The following SUPT3H variants were observed in gnomAD, a reference collection of about 807,000 sequenced individuals.
The protein encoded by SUPT3H is SPT3 homolog, SAGA and STAGA complex component, also known as transcription initiation protein SPT3 homolog.
A neutral mutation model predicts 44.3 loss-of-function variants in SUPT3H; 44 were observed. That is an observed-to-expected ratio of 0.99 (90% CI 0.78 to 1.28). The LOEUF is 1.28. SUPT3H is among the 50% of genes most tolerant of loss of function. The probability of loss-of-function intolerance (pLI) is 0.00; values close to 1 mark genes in which losing one functional copy is unlikely to be tolerated. For synonymous variants in SUPT3H, 124 were observed against 125.6 expected (o/e 0.99, Z 0.09); for missense variants, 380 against 387.1 (o/e 0.98, Z 0.15).
intron 6 of SUPT3H, among the ~76,000 whole-genome samples, chr6:44,993,078 G>A (rs527268555): frequency 3.2e-4 from 49 of 152,212 alleles, no homozygotes; most frequent in Non-Finnish European, 6.6e-4. Context: ...CTAGAGGATC[G>A]ATCAAGCCTG....
intron 2 of SUPT3H, among the ~76,000 whole-genome samples, chr6:45,281,444 A>G (rs895960405): frequency 2.6e-5 from 4 of 152,200 alleles, no homozygotes; most frequent in African/African-American, 7.2e-5. Context: ...AGGAGATTAT[A>G]TCCCGTGCCT....
intron 2 of SUPT3H, among the ~76,000 whole-genome samples, chr6:45,355,398 T>C (rs1792963534): frequency 6.6e-6 from 1 of 151,096 alleles, no homozygotes; most frequent in Admixed American, 6.7e-5. Context: ...CTTCATTTAT[T>C]ATAGAATAAA....
chr6:45,237,341 G>A (rs968100283), intron 2 of SUPT3H, among the ~76,000 whole-genome samples: 5 of 152,172 alleles, frequency 3.3e-5, no homozygotes, highest in African/African-American at 1.2e-4. Context: ...GCATATCAAA[G>A]TAGTTACATT....
At chr6:45,125,219 G>A (rs1374050577) in intron 2 of SUPT3H, among the ~76,000 whole-genome samples, 5 of 152,098 alleles carry the variant, frequency 3.3e-5, no homozygotes, top group Non-Finnish European at 5.9e-5. Context: ...CGTATTAGGC[G>A]TGTTTTTCAC....
At chr6:45,152,236 C>T (rs1807069715) in intron 2 of SUPT3H, among the ~76,000 whole-genome samples, 1 of 152,148 alleles carries the variant, frequency 6.6e-6, no homozygotes, top group African/African-American at 2.4e-5. Flanking sequence ...AATTCTTAAG[C>T]CCAAAGGCCT....
intron 6 of SUPT3H, among the ~76,000 whole-genome samples, chr6:44,966,441 T>C (rs1276910472): frequency 6.6e-6 from 1 of 150,808 alleles, no homozygotes; most frequent in Non-Finnish European, 1.5e-5. Flanking sequence ...ATATTTAAAA[T>C]ATTTATAAAG....
chr6:45,061,760 T>C (rs1317350477), intron 3 of SUPT3H, among the ~76,000 whole-genome samples: 1 of 152,158 alleles, frequency 6.6e-6, no homozygotes, highest in African/African-American at 2.4e-5. Flanking sequence ...CAGACTAATA[T>C]TTTATGTGAT....
intron 10 of SUPT3H, among the ~76,000 whole-genome samples, chr6:44,831,922 AAC>A (rs1768845210): frequency 6.6e-6 from 1 of 152,196 alleles, no homozygotes; most frequent in Admixed American, 6.5e-5. Flanking sequence ...CTTATTTAAT[AAC>A]ACAGATCCTA....
At chr6:45,141,338 CAAAA>C (rs1162738855) in intron 2 of SUPT3H, among the ~76,000 whole-genome samples, 1 of 45,280 alleles carries the variant, frequency 2.2e-5, no homozygotes, top group African/African-American at 1.1e-4. Context: ...GACTCCATCT[CAAAA>C]AAAAAAAAAA....
intron 2 of SUPT3H, among the ~76,000 whole-genome samples, chr6:45,200,390 TTAC>T (rs1186682028): frequency 1.3e-5 from 2 of 151,518 alleles, no homozygotes; most frequent in Non-Finnish European, 3.0e-5. Context: ...GTATGACTTA[TTAC>T]ATTAATAAAA....
At chr6:45,198,343 T>A (rs1482949917) in intron 2 of SUPT3H, among the ~76,000 whole-genome samples, 1 of 151,482 alleles carries the variant, frequency 6.6e-6, no homozygotes, top group African/African-American at 2.4e-5. Flanking sequence ...CCTCATTTGC[T>A]ATAATGTAAG....
At chr6:45,229,416 A>C (rs1767545119) in intron 2 of SUPT3H, among the ~76,000 whole-genome samples, 1 of 152,146 alleles carries the variant, frequency 6.6e-6, no homozygotes, top group African/African-American at 2.4e-5. Context: ...ACAGGATGAA[A>C]TAGGAGTATG....
At chr6:45,094,373 A>T (rs1562446937) in intron 3 of SUPT3H, among the ~76,000 whole-genome samples, 1 of 152,168 alleles carries the variant, frequency 6.6e-6, no homozygotes, top group East Asian at 1.9e-4. Flanking sequence ...ATCTATGCTA[A>T]GAAAACCAAG....
At chr6:44,848,162 G>A (rs906776510) in intron 10 of SUPT3H, among the ~76,000 whole-genome samples, 1 of 151,128 alleles carries the variant, frequency 6.6e-6, no homozygotes, top group Non-Finnish European at 1.5e-5. Context: ...TAGAGACGGG[G>A]TTTCACCATG....
intron 3 of SUPT3H, among the ~76,000 whole-genome samples, chr6:45,027,752 G>A (rs1038906548): frequency 2.6e-5 from 4 of 152,156 alleles, no homozygotes; most frequent in African/African-American, 9.6e-5. Flanking sequence ...AATCTTGTAT[G>A]TCTCAAAATG....
At chr6:44,900,644 T>TGCCC (rs1330600740) in intron 10 of SUPT3H, among the ~76,000 whole-genome samples, 4 of 152,184 alleles carry the variant, frequency 2.6e-5, no homozygotes, top group African/African-American at 7.2e-5. Flanking sequence ...CAGACTTAAA[T>TGCCC]GCCCCTGTCT....
rs370012062 is a variant in SUPT3H at position 45,017,307 on chromosome 6, C to G, written c.274-2416G>C. ...CCATTTTGTAGGTTGCCTGTTCACT[C>G]TGATGGTAGTTTCTTTTGCTGTGCA... On this transcript the variant is annotated intron_variant, in intron 4 of 10. Coordinates refer to ENST00000371459, the MANE Select transcript of SUPT3H (RefSeq NM_003599.4). 2.0e-5 allele frequency among the ~76,000 whole-genome samples: 3 copies of G among 149,472 alleles called. 1 individual carries two copies. The highest frequency in any genetic ancestry group is 4.5e-5 in the Non-Finnish European group (3 of 67,182).
At chr6:45,155,648 A>T (rs966529517) in intron 2 of SUPT3H, among the ~76,000 whole-genome samples, 4 of 152,184 alleles carry the variant, frequency 2.6e-5, no homozygotes, top group African/African-American at 9.6e-5. Flanking sequence ...AAAGCAGCTA[A>T]CCTAAAAGAG....
intron 3 of SUPT3H, among the ~76,000 whole-genome samples, chr6:45,068,507 A>C (rs1188504814): frequency 1.3e-5 from 2 of 152,110 alleles, no homozygotes; most frequent in African/African-American, 4.8e-5. Context: ...AGATAAGGAT[A>C]GGGGTAATCT....
Sources: allele counts gnomAD v4.1 joint callset (sites outside exome capture counted in the v4.1 genomes callset), GRCh38; gene constraint gnomAD v4.1.1; transcripts MANE v1.5; gene names NCBI Gene and HGNC (gene_info 2026-07-23, HGNC 2026-07-21).